CHRM3: variants seen among roughly 807,000 people sequenced by gnomAD.
The protein encoded by CHRM3 is muscarinic acetylcholine receptor M3.
In CHRM3, 11 loss-of-function variants were observed where a neutral mutation model predicts 41.8. The ratio of observed to expected loss-of-function variants is 0.26; its 90% CI spans 0.17 to 0.44. CHRM3 has a LOEUF of 0.44. CHRM3 is among the 20% of genes least tolerant of loss of function. The probability of loss-of-function intolerance (pLI) is 1.00; values close to 1 mark genes in which losing one functional copy is unlikely to be tolerated. For missense variants in CHRM3, 571 were observed against 745.4 expected (o/e 0.77, Z 2.72); for synonymous variants, 297 against 301.4 (o/e 0.99, Z 0.15).
chr1:239,887,822 A>G (rs746489091), intron 6 of CHRM3, among the ~76,000 whole-genome samples: 8 of 152,188 alleles, frequency 5.3e-5, no homozygotes, highest in Non-Finnish European at 1.0e-4. Flanking sequence ...TGAAACTTCA[A>G]GGGACCCCCG....
intron 1 of CHRM3, among the ~76,000 whole-genome samples, chr1:239,396,909 GA>G (rs1449103300): frequency 6.6e-6 from 1 of 152,258 alleles, no homozygotes; most frequent in East Asian, 1.9e-4. Context: ...TATTCCAAAA[GA>G]TTGACTGATT....
intron 5 of CHRM3, among the ~76,000 whole-genome samples, chr1:239,774,918 CT>C (rs1301167932): frequency 6.6e-6 from 1 of 152,006 alleles, no homozygotes; most frequent in Non-Finnish European, 1.5e-5. Flanking sequence ...CTTATTTAAA[CT>C]TTAGTATGCA....
chr1:239,458,189 C>T (rs1245910093), intron 1 of CHRM3, among the ~76,000 whole-genome samples: 2 of 152,010 alleles, frequency 1.3e-5, no homozygotes, highest in Non-Finnish European at 2.9e-5. Context: ...TGGTGGCAAA[C>T]GTTATCAAGA....
chr1:239,673,377 C>G (rs1212697646), intron 4 of CHRM3, among the ~76,000 whole-genome samples: 1 of 152,142 alleles, frequency 6.6e-6, no homozygotes, highest in Non-Finnish European at 1.5e-5. Context: ...CCCATTAACT[C>G]TTGTTATTAT....
chr1:239,613,784 G>C (rs1319384555), intron 3 of CHRM3, among the ~76,000 whole-genome samples: 1 of 151,994 alleles, frequency 6.6e-6, no homozygotes, highest in East Asian at 1.9e-4. Context: ...CTGTGTCTCT[G>C]TTTCCTCTCA....
At chr1:239,404,450 G>GAA (rs1558196061) in intron 1 of CHRM3, among the ~76,000 whole-genome samples, 2 of 137,610 alleles carry the variant, frequency 1.5e-5, no homozygotes, top group African/African-American at 2.8e-5. Context: ...AAGAAAGAAA[G>GAA]AAAGAAAGAA....
chr1:239,415,227 G>A (rs1417925553), intron 1 of CHRM3, among the ~76,000 whole-genome samples: 1 of 152,192 alleles, frequency 6.6e-6, no homozygotes, highest in African/African-American at 2.4e-5. Context: ...ATCACCTGAG[G>A]TCAGGAGTTT....
At chr1:239,503,803 C>T (rs1668396230) in intron 2 of CHRM3, among the ~76,000 whole-genome samples, 2 of 152,060 alleles carry the variant, frequency 1.3e-5, no homozygotes, top group South Asian at 2.1e-4. Context: ...CAAACAAAAA[C>T]TTAAATTGGG....
chr1:239,569,681 A>G (rs1661659799), intron 3 of CHRM3, among the ~76,000 whole-genome samples: 1 of 152,190 alleles, frequency 6.6e-6, no homozygotes, highest in Non-Finnish European at 1.5e-5. Context: ...ATAATAAGTA[A>G]AGCTGAAGTA....
chr1:239,796,010 T>C (rs1363097768), intron 5 of CHRM3, among the ~76,000 whole-genome samples: 1 of 152,210 alleles, frequency 6.6e-6, no homozygotes, highest in Non-Finnish European at 1.5e-5. Flanking sequence ...ACACTTTTCT[T>C]GGAGTCTTTT....
At chr1:239,814,290 T>C (rs1486799510) in intron 5 of CHRM3, among the ~76,000 whole-genome samples, 1 of 152,170 alleles carries the variant, frequency 6.6e-6, no homozygotes, top group African/African-American at 2.4e-5. Flanking sequence ...GTTTGATTTT[T>C]AAGAAGGGCA....
At chr1:239,847,920 G>GA (rs1184044160) in intron 6 of CHRM3, among the ~76,000 whole-genome samples, 1 of 125,850 alleles carries the variant, frequency 7.9e-6, no homozygotes, top group East Asian at 2.5e-4. Context: ...GTCTCAAAAA[G>GA]AAAAAAGAAA....
At chr1:239,399,613 C>T (rs546628728) in intron 1 of CHRM3, among the ~76,000 whole-genome samples, 1 of 152,258 alleles carries the variant, frequency 6.6e-6, no homozygotes, top group South Asian at 2.1e-4. Flanking sequence ...TCTTTCTGTG[C>T]CTGACTCATC....
At chr1:239,589,787 ATAGTTT>A (rs2148630439) in intron 3 of CHRM3, among the ~76,000 whole-genome samples, 1 of 150,470 alleles carries the variant, frequency 6.6e-6, no homozygotes, top group African/African-American at 2.4e-5. Context: ...GAGGCTGTTG[ATAGTTT>A]TATATATATA....
chr1:239,590,872 G>GA (rs943625393), intron 3 of CHRM3, among the ~76,000 whole-genome samples: 5 of 150,370 alleles, frequency 3.3e-5, no homozygotes, highest in African/African-American at 9.8e-5. Context: ...ATTTTCATGG[G>GA]AAAAAAAAAG....
intron 5 of CHRM3, among the ~76,000 whole-genome samples, chr1:239,682,319 C>T (rs933858118): frequency 6.6e-6 from 1 of 152,108 alleles, no homozygotes; most frequent in Non-Finnish European, 1.5e-5. Context: ...ATTCAGGCAG[C>T]GATATCCCTT....
intron 1 of CHRM3, among the ~76,000 whole-genome samples, chr1:239,421,929 C>T (rs1345103817): frequency 2.6e-5 from 4 of 151,974 alleles, no homozygotes; most frequent in South Asian, 2.1e-4. Flanking sequence ...TTATTTTACA[C>T]TGTAGAATGT....
intron 4 of CHRM3, among the ~76,000 whole-genome samples, chr1:239,669,831 C>G (rs1674182501): frequency 6.6e-6 from 1 of 152,138 alleles, no homozygotes; most frequent in Admixed American, 6.6e-5. Context: ...ATACTATAAT[C>G]AACCCACTAT....
chr1:239,698,798 A>G (rs1230700672), intron 5 of CHRM3, among the ~76,000 whole-genome samples: 3 of 152,174 alleles, frequency 2.0e-5, no homozygotes, highest in African/African-American at 7.2e-5. Flanking sequence ...TACAGGTGCC[A>G]TCCCTCCACA....
Sources: gnomAD v4.1 joint callset for allele counts (sites outside exome capture counted in the v4.1 genomes callset) on GRCh38, gnomAD v4.1.1 for gene constraint, MANE v1.5 for transcripts, NCBI Gene and HGNC (gene_info 2026-07-23, HGNC 2026-07-21) for gene names.